PKIB: variants seen among roughly 807,000 people sequenced by gnomAD.
The protein encoded by PKIB is PKI-beta.
A neutral mutation model predicts 4.5 loss-of-function variants in PKIB; 2 were observed. The observed-to-expected ratio is 0.44, with a 90% confidence interval of 0.18 to 1.39. The LOEUF is 1.39. PKIB is among the 40% of genes most tolerant of loss of function. The pLI, the probability that PKIB is intolerant of heterozygous loss-of-function variation, is 0.27. For missense variants in PKIB, 94 were observed against 92.6 expected (o/e 1.02, Z -0.06); for synonymous variants, 38 against 36.0 (o/e 1.06, Z -0.20).
intron 3 of PKIB, among the ~76,000 whole-genome samples, chr6:122,677,842 TCTTCCTTCCTTC>T (rs66707245): frequency 0.025 from 3,463 of 141,174 alleles, 56 homozygotes; most frequent in Middle Eastern, 0.056. Flanking sequence ...AGCTTTCTTT[TCTTCCTTCCTTC>T]CTTCCTTCCT....
chr6:122,692,540 CT>C (rs977828011), intron 3 of PKIB, among the ~76,000 whole-genome samples: 1 of 152,064 alleles, frequency 6.6e-6, no homozygotes, highest in African/African-American at 2.4e-5. Flanking sequence ...CTTCAGTCAG[CT>C]TGTGGTGAAT....
chr6:122,540,722 T>C (rs13200427), intron 2 of PKIB, among the ~76,000 whole-genome samples: 18,511 of 152,052 alleles, frequency 0.12, 1,314 homozygotes, highest in East Asian at 0.21. Context: ...CTGAGTTCAA[T>C]TCCTGGGTAG....
chr6:122,545,234 A>C (rs1050506425), intron 2 of PKIB, among the ~76,000 whole-genome samples: 1 of 152,108 alleles, frequency 6.6e-6, no homozygotes, highest in African/African-American at 2.4e-5. Context: ...TACGGAATCA[A>C]CCTAGATGCC....
At chr6:122,665,322 T>TCAAAG (rs1157926104) in intron 2 of PKIB, among the ~76,000 whole-genome samples, 1 of 152,220 alleles carries the variant, frequency 6.6e-6, no homozygotes, top group Admixed American at 6.5e-5. Flanking sequence ...GAGTCACTCT[T>TCAAAG]CAAAGGGCCC....
chr6:122,560,417 T>A (rs918849818), intron 2 of PKIB, among the ~76,000 whole-genome samples: 1 of 152,124 alleles, frequency 6.6e-6, no homozygotes, highest in Non-Finnish European at 1.5e-5. Context: ...GTGGATTATC[T>A]TTTTGATATG....
intron 3 of PKIB, among the ~76,000 whole-genome samples, chr6:122,594,757 T>C (rs1166020859): frequency 6.6e-6 from 1 of 152,216 alleles, no homozygotes; most frequent in South Asian, 2.1e-4. Context: ...TTTGTAGTCC[T>C]GCCTGGATTG....
rs1191084683 is a variant in PKIB, at chr6:122,717,788, T to C, written c.-7T>C. 6.2e-7 allele frequency: 1 copy of C among 1,613,678 alleles called. No homozygotes were observed. Among genetic ancestry groups the C allele is most frequent in the Non-Finnish European group, 8.5e-7 (1 of 1,179,772 alleles). On this transcript the variant is annotated splice_region_variant and 5_prime_UTR_variant, in exon 4 of 5. The change abolishes an upstream ATG in the 5' untranslated region. Coordinates refer to ENST00000368452, the MANE Select transcript of PKIB (RefSeq NM_181795.3). ...TTCATATGCACATTCTATTTGTAGATGTTGCTATGAGGACAGATTCATCAA... is the reference window on the plus strand; with the variant it reads ...TTCATATGCACATTCTATTTGTAGACGTTGCTATGAGGACAGATTCATCAA...
At chr6:122,645,892 G>T (rs1776293255) in intron 2 of PKIB, among the ~76,000 whole-genome samples, 1 of 152,150 alleles carries the variant, frequency 6.6e-6, no homozygotes, top group Admixed American at 6.5e-5. Context: ...AAAAACTCAA[G>T]TGTGTTAATT....
At chr6:122,714,207 T>C (rs1179437650) in intron 3 of PKIB, among the ~76,000 whole-genome samples, 1 of 152,176 alleles carries the variant, frequency 6.6e-6, no homozygotes, top group East Asian at 1.9e-4. Flanking sequence ...CCTACATCGC[T>C]GTGAGGCTGG....
intron 1 of PKIB, among the ~76,000 whole-genome samples, chr6:122,614,184 T>A (rs960158142): frequency 3.9e-5 from 6 of 151,954 alleles, no homozygotes; most frequent in Non-Finnish European, 7.4e-5. Context: ...TCAGAGATGT[T>A]TAGATAAAAA....
intron 2 of PKIB, among the ~76,000 whole-genome samples, chr6:122,512,371 T>A (rs1776611339): frequency 6.6e-6 from 1 of 152,168 alleles, no homozygotes; most frequent in Admixed American, 6.5e-5. Context: ...TCATTTTATA[T>A]CAGATATTGG....
intron 2 of PKIB, among the ~76,000 whole-genome samples, chr6:122,559,637 A>G (rs1055353478): frequency 5.9e-5 from 9 of 152,116 alleles, no homozygotes; most frequent in African/African-American, 2.2e-4. Context: ...TTTTGGTACT[A>G]TGGTCATTTT....
chr6:122,529,068 C>T (rs1309521758), intron 2 of PKIB, among the ~76,000 whole-genome samples: 2 of 152,078 alleles, frequency 1.3e-5, no homozygotes, highest in Non-Finnish European at 2.9e-5. Flanking sequence ...AAAGTAATTA[C>T]TGATGATAAA....
intron 2 of PKIB, among the ~76,000 whole-genome samples, chr6:122,650,698 C>G (rs1259575843): frequency 6.6e-6 from 1 of 152,100 alleles, no homozygotes; most frequent in Middle Eastern, 3.2e-3. Flanking sequence ...AGAAGGATGA[C>G]CACAGAGCTC....
intron 2 of PKIB, among the ~76,000 whole-genome samples, chr6:122,553,769 G>A (rs865800804): frequency 6.6e-6 from 1 of 152,066 alleles, no homozygotes; most frequent in South Asian, 2.1e-4. Flanking sequence ...GAATAAGCAA[G>A]AGAAAGGTGA....
intron 2 of PKIB, among the ~76,000 whole-genome samples, chr6:122,569,248 T>C (rs1415163515): frequency 2.6e-5 from 4 of 152,176 alleles, no homozygotes; most frequent in African/African-American, 9.7e-5. Flanking sequence ...ACCTATTGCC[T>C]GAGAAACCAG....
At chr6:122,630,698 G>C (rs1265051048) in intron 1 of PKIB, among the ~76,000 whole-genome samples, 1 of 152,054 alleles carries the variant, frequency 6.6e-6, no homozygotes, top group Non-Finnish European at 1.5e-5. Flanking sequence ...TTTTTAAAAA[G>C]CACTATTAAA....
At chr6:122,493,427 A>G (rs912886293) in intron 2 of PKIB, 1 of 152,228 alleles carries the variant, frequency 6.6e-6, no homozygotes, top group Non-Finnish European at 1.5e-5. Flanking sequence ...GTTGTTTATA[A>G]GATACACAAT....
chr6:122,689,657 T>C (rs572938376), intron 3 of PKIB, among the ~76,000 whole-genome samples: 31 of 152,324 alleles, frequency 2.0e-4, no homozygotes, highest in African/African-American at 7.5e-4. Context: ...TTTTAAGACT[T>C]GTTCTGTGGT....
Sources: gnomAD v4.1 joint callset for allele counts (sites outside exome capture counted in the v4.1 genomes callset) on GRCh38, gnomAD v4.1.1 for gene constraint, MANE v1.5 for transcripts, NCBI Gene and HGNC (gene_info 2026-07-23, HGNC 2026-07-21) for gene names.